The following C10orf90 variants were observed in gnomAD, a reference collection of about 807,000 sequenced individuals.
C10orf90 encodes the protein (E2-independent) E3 ubiquitin-conjugating enzyme FATS.
C10orf90 carries 56 observed loss-of-function variants against 62.5 expected under a neutral mutation model. That is an observed-to-expected ratio of 0.90 (90% CI 0.72 to 1.12). The LOEUF (loss-of-function observed/expected upper bound fraction) is 1.12. C10orf90 is among the 50% of genes most tolerant of loss of function. The pLI, the probability that C10orf90 is intolerant of heterozygous loss-of-function variation, is 0.00. For synonymous variants in C10orf90, 386 were observed against 340.4 expected (o/e 1.13, Z -1.47); for missense variants, 970 against 880.4 (o/e 1.10, Z -1.29).
At chr10:126,546,216 C>G (rs908413903) in intron 2 of C10orf90, among the ~76,000 whole-genome samples, 18 of 152,352 alleles carry the variant, frequency 1.2e-4, no homozygotes, top group African/African-American at 4.1e-4. Context: ...CCAAACCCCA[C>G]AGAATAAAAC....
chr10:126,489,532 C>T (rs1000037192), intron 4 of C10orf90, among the ~76,000 whole-genome samples: 2 of 151,976 alleles, frequency 1.3e-5, no homozygotes, highest in Admixed American at 6.6e-5. Context: ...ATAACACTTC[C>T]CACCTATCAG....
rs934605601 is a variant in C10orf90, at chr10:126,461,749, G to A, written c.1826-164C>T. ...GATCATGCCTCATCACAGAGCCCCC[G>A]GCCGCCCTGGTCACAAGGAAGAGCG... On this transcript the variant is annotated intron_variant, in intron 5 of 9. Coordinates refer to ENST00000488181, the MANE Select transcript of C10orf90 (RefSeq NM_001350921.2). Among the ~76,000 whole-genome samples the A allele has an allele frequency of 4.6e-5, 7 of 152,140 alleles. No individual in the cohort carries two copies. In the East Asian group the frequency reaches 5.8e-4, roughly 13 times the overall value.
At chr10:126,521,128 T>C (rs923710556) in intron 2 of C10orf90, among the ~76,000 whole-genome samples, 3 of 152,162 alleles carry the variant, frequency 2.0e-5, no homozygotes, top group African/African-American at 4.8e-5. Flanking sequence ...AATGATCTGT[T>C]CCTGAGTGTC....
chr10:126,489,724 C>A (rs909985506), intron 4 of C10orf90, among the ~76,000 whole-genome samples: 4 of 151,298 alleles, frequency 2.6e-5, no homozygotes, highest in African/African-American at 9.7e-5. Flanking sequence ...CACATTGGGG[C>A]ATATACCCCA....
At chr10:126,580,799 G>A (rs988635125) in intron 2 of C10orf90, among the ~76,000 whole-genome samples, 29 of 152,104 alleles carry the variant, frequency 1.9e-4, no homozygotes, top group Admixed American at 3.9e-4. Flanking sequence ...TGTGGTGTGT[G>A]TGTGCAAAAG....
intron 1 of C10orf90, among the ~76,000 whole-genome samples, chr10:126,669,697 CTCTG>C (rs1846706831): frequency 1.1e-5 from 1 of 91,986 alleles, no homozygotes. Context: ...TTCTCTCACT[CTCTG>C]TCTTTTTTTT....
chr10:126,500,817 G>A lies in C10orf90; in HGVS notation c.1534+3140C>T, dbSNP rs111716076. Among the ~76,000 whole-genome samples, 1,203 of 152,230 alleles carry A rather than the reference G, an allele frequency of 7.9e-3. 20 individuals carry two copies. Among genetic ancestry groups the A allele is most frequent in the African/African-American group, 0.027 (1,133 of 41,516 alleles). On this transcript the variant is annotated intron_variant, in intron 4 of 9. Transcript: ENST00000488181. ...CATTTTTCCTCATCTTCTCTTTTGG[G>A]TGCATATCCTGGAGGCTCATTCATG...
intron 2 of C10orf90, among the ~76,000 whole-genome samples, chr10:126,596,940 C>T (rs1301837410): frequency 6.6e-6 from 1 of 152,130 alleles, no homozygotes; most frequent in Non-Finnish European, 1.5e-5. Flanking sequence ...CAAATAGGCA[C>T]ACAAAGAGAT....
chr10:126,527,856 T>TGGTC (rs1863990559), intron 2 of C10orf90, among the ~76,000 whole-genome samples: 1 of 152,222 alleles, frequency 6.6e-6, no homozygotes, highest in South Asian at 2.1e-4. Flanking sequence ...GGCCAGGCAT[T>TGGTC]GGTCCAGGTA....
intron 2 of C10orf90, among the ~76,000 whole-genome samples, chr10:126,608,330 T>A (rs930505653): frequency 6.6e-6 from 1 of 152,172 alleles, no homozygotes; most frequent in Non-Finnish European, 1.5e-5. Context: ...CAGGCTGGTC[T>A]CAAACTCCTG....
intron 1 of C10orf90, among the ~76,000 whole-genome samples, chr10:126,667,346 C>A (rs1020092727): frequency 6.6e-6 from 1 of 152,088 alleles, no homozygotes; most frequent in African/African-American, 2.4e-5. Flanking sequence ...GCGTGAGCCA[C>A]CACACCCAGC....
At chr10:126,623,840 CA>C (rs34974050) in intron 2 of C10orf90, among the ~76,000 whole-genome samples, 267 of 19,560 alleles carry the variant, frequency 0.014, 2 homozygotes, top group Middle Eastern at 0.033. Flanking sequence ...GACTCCATCT[CA>C]AAAAAAAAAA....
At chr10:126,545,326 C>A (rs888908521) in intron 2 of C10orf90, among the ~76,000 whole-genome samples, 1 of 152,154 alleles carries the variant, frequency 6.6e-6, no homozygotes, top group Non-Finnish European at 1.5e-5. Flanking sequence ...ATATCCTAAC[C>A]CTTCTTGGTC....
chr10:126,528,272 A>G (rs1470458277), intron 2 of C10orf90, among the ~76,000 whole-genome samples: 4 of 152,194 alleles, frequency 2.6e-5, no homozygotes, highest in African/African-American at 9.7e-5. Flanking sequence ...AGATATCTAG[A>G]CAAAGAGAGA....
At chr10:126,535,238 C>G (rs1864201496) in intron 2 of C10orf90, among the ~76,000 whole-genome samples, 1 of 151,548 alleles carries the variant, frequency 6.6e-6, no homozygotes, top group Non-Finnish European at 1.5e-5. Flanking sequence ...AATTTGTCAG[C>G]TGGGTGTGGT....
At chr10:126,514,398 T>A (rs1269106670) in intron 2 of C10orf90, among the ~76,000 whole-genome samples, 4 of 152,184 alleles carry the variant, frequency 2.6e-5, no homozygotes, top group Admixed American at 2.6e-4. Flanking sequence ...ATATGAACAC[T>A]GTTTTAGACC....
At chr10:126,517,211 T>C (rs542244935) in intron 2 of C10orf90, among the ~76,000 whole-genome samples, 1 of 152,250 alleles carries the variant, frequency 6.6e-6, no homozygotes, top group Non-Finnish European at 1.5e-5. Flanking sequence ...AAAGTCTACA[T>C]AGCAACATGA....
chr10:126,462,404 T>G (rs1860045497), intron 5 of C10orf90, among the ~76,000 whole-genome samples: 2 of 152,082 alleles, frequency 1.3e-5, no homozygotes, highest in African/African-American at 2.4e-5. Context: ...ATAAAGCCCC[T>G]TTGATTCCTC....
At chr10:126,561,782 G>C (rs1485347790) in intron 2 of C10orf90, among the ~76,000 whole-genome samples, 3 of 152,124 alleles carry the variant, frequency 2.0e-5, no homozygotes, top group Non-Finnish European at 4.4e-5. Context: ...GACACAGAGG[G>C]AGCAGGCCCC....
Sources: allele counts gnomAD v4.1 joint callset (sites outside exome capture counted in the v4.1 genomes callset), GRCh38; gene constraint gnomAD v4.1.1; transcripts MANE v1.5; gene names NCBI Gene and HGNC (gene_info 2026-07-23, HGNC 2026-07-21).